Variants in ATP8B3 observed in about 807,000 individuals in gnomAD.
ATP8B3 encodes the protein ATPase phospholipid transporting 8B3, also known as phospholipid-transporting ATPase IK.
In ATP8B3, 141 loss-of-function variants were observed where a neutral mutation model predicts 140.9. That is an observed-to-expected ratio of 1.00 (90% CI 0.87 to 1.15). The LOEUF is 1.15. ATP8B3 is among the 50% of genes most tolerant of loss of function. The probability of loss-of-function intolerance (pLI) is 0.00; values close to 1 mark genes in which losing one functional copy is unlikely to be tolerated. For synonymous variants in ATP8B3, 765 were observed against 714.6 expected, an observed-to-expected ratio of 1.07 and a Z score of -1.13; for missense variants, 1,874 against 1,740.6, an observed-to-expected ratio of 1.08 and a Z score of -1.36.
Position 1,784,886 on chromosome 19 carries a change from G to T in ATP8B3, c.3593C>A (p.Ser1198Tyr). The change falls in exon 28 of 29, where the codon TCC becomes TAC. Residue 1198 changes from serine to tyrosine, a missense_variant. Coordinates refer to ENST00000310127, the MANE Select transcript of ATP8B3 (RefSeq NM_138813.4). The part of the protein sequence containing the change: ...SILLVVLLSV[S>Y]INTFPVLALR... ...GGCCAGGACAGGGAAGGTGTTTATG[G>T]ACACACTCAGCAGGACCACCAGCAG... 6.2e-7 allele frequency: 1 copy of T among 1,613,280 alleles called. No homozygotes were observed. Among genetic ancestry groups the T allele is most frequent in the Non-Finnish European group, 8.5e-7 (1 of 1,179,696 alleles).
chr19:1,797,361 C>T (rs2068712720), intron 14 of ATP8B3, among the ~76,000 whole-genome samples: 1 of 151,956 alleles, frequency 6.6e-6, no homozygotes, highest in Admixed American at 6.6e-5. Flanking sequence ...GGGATGTGGC[C>T]CCTTCCTGTC....
Position 1,796,756 on chromosome 19 carries a change from T to C in ATP8B3, c.1708A>G (p.Ile570Val). The stretch of plus-strand genomic sequence containing the variant: ...TCCCGCACCATCACCGTGTGGCAGA[T>C]GGCCAGCAGGCGCCAGAACTCCCGC... ...AVREFWRLLAICHTVMVRESP... is the reference protein window; with the variant it reads ...AVREFWRLLAVCHTVMVRESP... Residue 570 changes from isoleucine (I) to valine (V), a missense_variant, in exon 16 of 29, where the codon ATC (isoleucine) becomes GTC (valine). Around this residue, in one of 3 missense-constraint regions of ATP8B3, gnomAD observed 1,032 missense variants for 963.6 expected, o/e 1.07. Coordinates refer to ENST00000310127, the MANE Select transcript of ATP8B3 (RefSeq NM_138813.4). 1.2e-6 allele frequency: 2 copies of C among 1,612,238 alleles called. No individual in the cohort carries two copies. Among genetic ancestry groups the C allele is most frequent in the Non-Finnish European group, 1.7e-6 (2 of 1,179,614 alleles).
Position 1,786,979 on chromosome 19 carries a change from C to A in ATP8B3, c.3153+124G>T, listed in dbSNP as rs2068325889. 4.7e-6 allele frequency: 4 copies of A among 851,216 alleles called. No individual in the cohort carries two copies. In the Admixed American group the frequency reaches 1.0e-4, roughly 22 times the overall value. 52.7% of individuals were successfully genotyped at this position (851,216 alleles called of 1,614,324 possible). A position where few individuals can be genotyped will look rare whatever the true frequency, so the allele number is the denominator to read the frequency against. On this transcript the variant is annotated intron_variant, in intron 25 of 28. Coordinates refer to ENST00000310127, the MANE Select transcript of ATP8B3 (RefSeq NM_138813.4). ...GGCAGGGAGAGGTACTGGACTGCAC[C>A]CCCTGAGCCCCACCCCATGGCCTGA...
At chr19:1,785,136 C>T (rs751122501) in intron 27 of ATP8B3, 23 bp downstream of exon 27, 1 of 1,532,406 alleles carries the variant, frequency 6.5e-7, no homozygotes, top group South Asian at 1.3e-5. Context: ...GACCGCCCGT[C>T]CCACTTCCCC....
At chr19:1,788,823 C>T in intron 24 of ATP8B3, 74 bp downstream of exon 24, 2 of 1,398,794 alleles carry the variant, frequency 1.4e-6, no homozygotes, top group East Asian at 2.5e-5. Context: ...TCCAGGGCTG[C>T]TCCTGGCAGC....
rs1042544069 is a variant in ATP8B3 at position 1,808,401 on chromosome 19, G to A, written c.403-66C>T. ...TCCAGGCCAGGGGATGGGGGTGCCC[G>A]AGGCCAGACCTGCCTCACTTGGCCT... On this transcript the variant is annotated intron_variant, in intron 4 of 28. Transcript: ENST00000310127. 28 of 1,248,346 alleles carry A rather than the reference G, an allele frequency of 2.2e-5. No homozygotes were observed. The Admixed American group carries it at 2.3e-4, about 10-fold the overall frequency. 77.3% of individuals were successfully genotyped at this position (1,248,346 alleles called of 1,614,324 possible).
intron 28 of ATP8B3, among the ~76,000 whole-genome samples, chr19:1,784,402 C>T (rs1191091953): frequency 1.3e-5 from 2 of 152,118 alleles, no homozygotes; most frequent in South Asian, 2.1e-4. Flanking sequence ...GTGGTCTCAG[C>T]TACTTGGAAA....
rs143250257 is a variant in ATP8B3, at chr19:1,805,981, G to A, written c.751-23C>T. ...GGCCTGGTGTGGAGTGGGGGGCAGC[G>A]TTGCAAGAGGGGATGCAAGACAAAT... On this transcript the variant is annotated intron_variant, in intron 8 of 28. Coordinates refer to ENST00000310127, the MANE Select transcript of ATP8B3 (RefSeq NM_138813.4). This position sits in a 1 kb window ranked among gnomAD's most constrained non-coding sequence, Gnocchi z 5.2. 77 of 1,611,630 alleles carry A rather than the reference G, an allele frequency of 4.8e-5. No homozygotes were observed. The highest frequency in any genetic ancestry group is 8.0e-5 in the African/African-American group (6 of 74,942).
intron 18 of ATP8B3, among the ~76,000 whole-genome samples, chr19:1,792,630 G>A (rs1239951314): frequency 6.7e-6 from 1 of 149,086 alleles, no homozygotes; most frequent in Non-Finnish European, 1.5e-5. Flanking sequence ...CGGGGAAGAG[G>A]GCTGGGCGTG....
Position 1,789,517 on chromosome 19 carries a change from G to T in ATP8B3, c.2689C>A (p.Arg897Ser). 5 of 1,598,138 alleles carry T rather than the reference G, an allele frequency of 3.1e-6. No homozygotes were observed. Among genetic ancestry groups the T allele is most frequent in the Non-Finnish European group, 4.2e-6 (5 of 1,179,022 alleles). Residue 897 changes from arginine to serine, a missense_variant, in exon 23 of 29, where the codon CGC becomes AGC. Around this residue, in one of 3 missense-constraint regions of ATP8B3, gnomAD observed 840 missense variants for 760.9 expected, o/e 1.10. Transcript: ENST00000310127. ...TTGGACGCCAGGTCCACGAAGGCGC[G>T]CTCCTGCAGCACCTCGGAGCTACGG... ...ARRSSEVLQE[R>S]AFVDLASKCQ...
chr19:1,793,666 T>G (rs8107124), intron 18 of ATP8B3, among the ~76,000 whole-genome samples: 25,586 of 152,276 alleles, frequency 0.17, 3,769 homozygotes, highest in African/African-American at 0.4. Flanking sequence ...CCTTACGGCT[T>G]CTTACCCCCC....
intron 18 of ATP8B3, among the ~76,000 whole-genome samples, chr19:1,792,949 C>G (rs180688238): frequency 1.0e-3 from 154 of 151,798 alleles, no homozygotes; most frequent in Middle Eastern, 6.8e-3. Context: ...ACTGAGCTGC[C>G]CCTGCTCCCC....
intron 18 of ATP8B3, 116 bp from the exon 19 acceptor site, chr19:1,792,251 C>T: frequency 8.2e-7 from 1 of 1,216,562 alleles, no homozygotes; most frequent in Non-Finnish European, 1.1e-6. Context: ...AAGCCTGTTG[C>T]CTCCCCAGCC....
chr19:1,784,331 T>C (rs1033580952), intron 28 of ATP8B3, among the ~76,000 whole-genome samples: 1 of 151,914 alleles, frequency 6.6e-6, no homozygotes, highest in Admixed American at 6.6e-5. Context: ...CTGGGCACCA[T>C]AATGAGTCTC....
chr19:1,789,192 T>G, intron 23 of ATP8B3, 72 bp from the exon 24 acceptor site: 1 of 732,038 alleles, frequency 1.4e-6, no homozygotes, highest in Non-Finnish European at 2.0e-6. Context: ...ACCCCCGCAC[T>G]GTTCTGCCCC....
rs760412648 is a variant in ATP8B3, at chr19:1,807,258, G to A, written c.525C>T (p.Pro175=). The A allele has an allele frequency of 1.2e-5, 20 of 1,612,134 alleles. No individual in the cohort carries two copies. Among genetic ancestry groups the A allele is most frequent in the African/African-American group, 1.1e-4 (8 of 74,824 alleles). ...FLIIIILQSI[P]DISTLPWFSL... The stretch of plus-strand genomic sequence containing the variant: ...AGAACCAGGGCAGCGTGGAGATGTC[G>A]GGAATGCTCTGACGTGAGGGGGCCA... Residue 175 remains proline (P), a synonymous_variant, in exon 6 of 29, where the codon CCC becomes CCT. Coordinates refer to ENST00000310127, the MANE Select transcript of ATP8B3 (RefSeq NM_138813.4). This position sits in a 1 kb window ranked among gnomAD's most constrained non-coding sequence, Gnocchi z 5.9.
At chr19:1,796,608 G>C in intron 16 of ATP8B3, 103 bp downstream of exon 16, 1 of 1,436,180 alleles carries the variant, frequency 7.0e-7, no homozygotes, top group Non-Finnish European at 9.2e-7. Context: ...CCCCAAGCCA[G>C]CTGAAAGCCC....
At chr19:1,799,786 T>C in intron 14 of ATP8B3, 161 bp downstream of exon 14, 1 of 728,460 alleles carries the variant, frequency 1.4e-6, no homozygotes, top group East Asian at 2.7e-5. Flanking sequence ...AAAATTTTCC[T>C]GGCCCCCTCC....
Position 1,796,074 on chromosome 19 carries a change from C to T in ATP8B3, c.1942+3G>A, listed in dbSNP as rs373662344. ...GGCCCAGGGCTTGGGTGGCGGGGCT[C>T]ACCCAGCACCGACATCCGTTTGCGC... is the stretch of plus-strand genomic sequence containing the variant. On this transcript the variant is annotated splice_donor_region_variant and intron_variant, in intron 17 of 28. Coordinates refer to ENST00000310127, the MANE Select transcript of ATP8B3 (RefSeq NM_138813.4). The T allele has an allele frequency of 1.9e-4, 313 of 1,612,460 alleles. 1 individual carries two copies. The highest frequency in any genetic ancestry group is 7.8e-5 in the Non-Finnish European group (92 of 1,179,584).
Sources: allele counts gnomAD v4.1 joint callset (sites outside exome capture counted in the v4.1 genomes callset), GRCh38; gene constraint gnomAD v4.1.1; regional missense constraint gnomAD v4.1.1; non-coding constraint Gnocchi (gnomAD v3.1); transcripts MANE v1.5; gene names NCBI Gene and HGNC (gene_info 2026-07-23, HGNC 2026-07-21).